PLCE1: variants seen among roughly 807,000 people sequenced by gnomAD.
PLCE1 encodes phospholipase C epsilon 1.
Under a neutral mutation model 242.8 loss-of-function variants are expected in PLCE1, and 119 were observed. The ratio of observed to expected loss-of-function variants is 0.49; its 90% CI spans 0.42 to 0.57. The LOEUF (loss-of-function observed/expected upper bound fraction) is 0.57, where lower values mean the gene tolerates loss of function less well. Among genes scored for constraint, PLCE1 ranks in the 20% least tolerant of loss-of-function variants. PLCE1 has a pLI of 0.00. For synonymous variants in PLCE1, 945 were observed against 1,017.4 expected (o/e 0.93, Z 1.35); for missense variants, 2,441 against 2,788.8 (o/e 0.88, Z 2.81).
Position 94,259,126 on chromosome 10 carries a change from A to G in PLCE1, c.3790A>G (p.Thr1264Ala). The G allele has an allele frequency of 6.2e-7, 1 of 1,614,080 alleles. No individual in the cohort carries two copies. Among genetic ancestry groups the G allele is most frequent in the South Asian group, 1.1e-5 (1 of 91,066 alleles). The change falls in exon 13 of 33, where the codon ACC becomes GCC. Residue 1264 changes from threonine to alanine, a missense_variant. Coordinates refer to ENST00000371380, the MANE Select transcript of PLCE1 (RefSeq NM_016341.4). The part of the protein sequence containing the change: ...LYTNLTIDEN[T>A]SDLQPDLDLL... ...CACCAACCTGACAATTGATGAAAAC[A>G]CCAGCGATCTTCAGCCTGACCTAGG... is the stretch of plus-strand genomic sequence containing the variant.
rs2053466333 is a variant in PLCE1 at position 94,313,718 on chromosome 10, C to G, written c.6132+336C>G. Reference sequence around the variant, plus strand: ...CCATATATACACTTTCGCCCTAAGCCTAGACATGGCCTAATCTTCCTTCTT... The same window carrying G: ...CCATATATACACTTTCGCCCTAAGCGTAGACATGGCCTAATCTTCCTTCTT... On this transcript the variant is annotated intron_variant, in intron 28 of 32. Transcript: ENST00000371380. Among the ~76,000 whole-genome samples the G allele has an allele frequency of 2.6e-5, 4 of 152,178 alleles. No individual in the cohort carries two copies. The South Asian group carries it at 8.3e-4, about 32-fold the overall frequency.
At chr10:94,039,780 T>A (rs2061731826) in intron 2 of PLCE1, among the ~76,000 whole-genome samples, 1 of 152,228 alleles carries the variant, frequency 6.6e-6, no homozygotes, top group African/African-American at 2.4e-5. Context: ...TGTTTTGATT[T>A]GCATCTTCCT....
At chr10:94,224,767 A>G (rs1234316581) in intron 4 of PLCE1, among the ~76,000 whole-genome samples, 3 of 152,250 alleles carry the variant, frequency 2.0e-5, no homozygotes, top group African/African-American at 7.2e-5. Context: ...TGTTAGCAAA[A>G]TAATTTCTTG....
chr10:94,160,280 G>A (rs1467942401), intron 3 of PLCE1, among the ~76,000 whole-genome samples: 1 of 152,116 alleles, frequency 6.6e-6, no homozygotes, highest in Non-Finnish European at 1.5e-5. Context: ...TCCAGCACCT[G>A]TTGTTTCCTG....
Position 94,031,118 on chromosome 10 carries a change from G to A in PLCE1, c.72G>A (p.Ser24=), listed in dbSNP as rs558409444. The change falls in exon 2 of 33, where the codon TCG becomes TCA. Residue 24 remains serine, a synonymous_variant. Transcript: ENST00000371380. Reference sequence around the variant, plus strand: ...AGAGAAAAGTGGTTTCTGCCCAGTCGGCTGCAGATGAAAGTAGTGAAAAGG... The same window carrying A: ...AGAGAAAAGTGGTTTCTGCCCAGTCAGCTGCAGATGAAAGTAGTGAAAAGG... ...VTQRKVVSAQ[S]AADESSEKVS... is the part of the protein sequence containing the mutation. 54 of 1,613,696 alleles carry A rather than the reference G, an allele frequency of 3.3e-5. No homozygotes were observed. The East Asian group carries it at 4.5e-4, about 13-fold the overall frequency.
intron 4 of PLCE1, among the ~76,000 whole-genome samples, chr10:94,188,613 T>C (rs898986028): frequency 2.2e-4 from 33 of 152,146 alleles, no homozygotes; most frequent in African/African-American, 6.5e-4. Flanking sequence ...TTTTGTTTTG[T>C]TTTGCTTTTT....
chr10:94,145,928 G>A (rs1590120268), intron 3 of PLCE1, among the ~76,000 whole-genome samples: 1 of 152,078 alleles, frequency 6.6e-6, no homozygotes, highest in Non-Finnish European at 1.5e-5. Context: ...GTTCCAAGCA[G>A]GGAAAGCAAG....
chr10:94,066,302 G>GT (rs1456888861), intron 2 of PLCE1, among the ~76,000 whole-genome samples: 1 of 152,120 alleles, frequency 6.6e-6, no homozygotes, highest in Non-Finnish European at 1.5e-5. Flanking sequence ...CCTTGCATCA[G>GT]GCACAATGCT....
chr10:94,073,482 G>C (rs2044418609), intron 2 of PLCE1, among the ~76,000 whole-genome samples: 1 of 152,178 alleles, frequency 6.6e-6, no homozygotes, highest in Non-Finnish European at 1.5e-5. Flanking sequence ...AAATATTCCA[G>C]GTGGAAGGGT....
intron 2 of PLCE1, among the ~76,000 whole-genome samples, chr10:94,085,422 C>T (rs985374387): frequency 3.9e-5 from 6 of 152,240 alleles, no homozygotes; most frequent in South Asian, 2.1e-4. Flanking sequence ...CTCTGAACTC[C>T]GGTACTGACT....
At chr10:94,241,635 C>T (rs948143454) in intron 7 of PLCE1, among the ~76,000 whole-genome samples, 9 of 151,962 alleles carry the variant, frequency 5.9e-5, no homozygotes, top group Non-Finnish European at 1.0e-4. Context: ...ACTAAAAATA[C>T]AAAAATTAGC....
rs1296578588 is a variant in PLCE1, at chr10:94,171,484, G to A, written c.1797G>A (p.Met599Ile). The change falls in exon 4 of 33, where the codon ATG becomes ATA. Residue 599 changes from methionine (M) to isoleucine (I), a missense_variant. Transcript: ENST00000371380. ...GEHNALEDLVMRFNEVSSWVT... is the reference protein window; with the variant it reads ...GEHNALEDLVIRFNEVSSWVT... ...ACAATGCCCTTGAAGATCTGGTGAT[G>A]AGGTTTAATGAGGTAAGAAGCCACT... 6.2e-7 allele frequency: 1 copy of A among 1,613,740 alleles called. No individual in the cohort carries two copies. Among genetic ancestry groups the A allele is most frequent in the Non-Finnish European group, 8.5e-7 (1 of 1,179,756 alleles).
At chr10:94,055,879 C>A (rs563280823) in intron 2 of PLCE1, among the ~76,000 whole-genome samples, 2 of 152,096 alleles carry the variant, frequency 1.3e-5, no homozygotes, top group African/African-American at 2.4e-5. Flanking sequence ...TTCAGAGAGA[C>A]CTTGCTGTCA....
At chr10:94,129,951 C>T (rs189820096) in intron 2 of PLCE1, among the ~76,000 whole-genome samples, 1 of 152,290 alleles carries the variant, frequency 6.6e-6, no homozygotes, top group East Asian at 1.9e-4. Context: ...CTAAACTCCA[C>T]TGGCTGTCCT....
At chr10:94,274,104 A>G (rs1416500059) in intron 19 of PLCE1, among the ~76,000 whole-genome samples, 1 of 152,258 alleles carries the variant, frequency 6.6e-6, no homozygotes, top group Non-Finnish European at 1.5e-5. Context: ...AGAAGCCCAA[A>G]AGCCATAGCC....
chr10:94,054,565 G>T (rs2043850008), intron 2 of PLCE1, among the ~76,000 whole-genome samples: 2 of 152,196 alleles, frequency 1.3e-5, no homozygotes, highest in South Asian at 4.1e-4. Flanking sequence ...AAACTACTTT[G>T]TGAAGCCTCT....
intron 2 of PLCE1, among the ~76,000 whole-genome samples, chr10:94,041,255 C>T (rs983714078): frequency 1.3e-5 from 2 of 152,142 alleles, no homozygotes; most frequent in African/African-American, 4.8e-5. Flanking sequence ...AGGGCGGTTT[C>T]CACCCACTTC....
chr10:94,034,671 T>C (rs1023429064), intron 2 of PLCE1, among the ~76,000 whole-genome samples: 2 of 152,192 alleles, frequency 1.3e-5, no homozygotes, highest in African/African-American at 4.8e-5. Context: ...GGTATGGTGA[T>C]TGTAAACCTG....
chr10:94,006,246 T>C (rs949437276), intron 1 of PLCE1, among the ~76,000 whole-genome samples: 2 of 152,230 alleles, frequency 1.3e-5, no homozygotes, highest in African/African-American at 2.4e-5. Context: ...TTAAATGAAA[T>C]AGAGCATGTA....
Sources: gnomAD v4.1 joint callset for allele counts (sites outside exome capture counted in the v4.1 genomes callset) on GRCh38, gnomAD v4.1.1 for gene constraint, MANE v1.5 for transcripts, NCBI Gene and HGNC (gene_info 2026-07-23, HGNC 2026-07-21) for gene names.